WDR47: variants seen among roughly 807,000 people sequenced by gnomAD.
WDR47 encodes WD repeat domain 47, also known as WD repeat-containing protein 47.
In WDR47, 32 loss-of-function variants were observed where a neutral mutation model predicts 97.2. The observed-to-expected ratio is 0.33, with a 90% CI of 0.25 to 0.44. The LOEUF (loss-of-function observed/expected upper bound fraction) is 0.44, where lower values mean the gene tolerates loss of function less well. WDR47 is among the 20% of genes least tolerant of loss of function. WDR47 has a pLI of 1.00. For missense variants in WDR47, 782 were observed against 1,102.3 expected (o/e 0.71, Z 4.11); for synonymous variants, 375 against 373.5 (o/e 1.00, Z -0.05).
rs536861212 is a variant in WDR47, at chr1:108,997,682, C to T, written c.1434-1845G>A. ...GGCTGAGGCAGGAGAATGGCGTGAA[C>T]CTGGGAGGCGGAGCTTGCAGTGAGC... On this transcript the variant is annotated intron_variant, in intron 7 of 14. Transcript: ENST00000369962. Among the ~76,000 whole-genome samples the T allele has an allele frequency of 3.0e-3, 451 of 148,996 alleles. 3 individuals carry two copies. Among genetic ancestry groups the T allele is most frequent in the Non-Finnish European group, 3.5e-3 (239 of 67,460 alleles).
intron 3 of WDR47, among the ~76,000 whole-genome samples, chr1:109,015,116 G>C (rs1313440136): frequency 2.6e-5 from 4 of 152,160 alleles, no homozygotes; most frequent in African/African-American, 7.2e-5. Flanking sequence ...GCAGGAGATG[G>C]TGAAGGGATT....
intron 2 of WDR47, among the ~76,000 whole-genome samples, chr1:109,019,175 G>A (rs1571230889): frequency 6.6e-6 from 1 of 152,026 alleles, no homozygotes; most frequent in East Asian, 1.9e-4. Context: ...CTGAGGTCAG[G>A]AGTTCAAGAC....
At position 109,001,512 on chromosome 1, in the gene WDR47, T is replaced by C. The variant is rs1455018930; in HGVS notation, c.1433+712A>G. 3.3e-5 allele frequency among the ~76,000 whole-genome samples: 5 copies of C among 152,218 alleles called. No homozygotes were observed. In the East Asian group the frequency reaches 5.8e-4, roughly 18 times the overall value. On this transcript the variant is annotated intron_variant, in intron 7 of 14. Transcript: ENST00000369962. ...GCAGCTAACAACATAGTGTTTACAG[T>C]GTGCCAGGTACTGTTCTCAGCACTT...
rs1662370339 is a variant in WDR47, at chr1:109,028,371, T to TTTTTTG, written c.-9-4851_-9-4850insCAAAAA. Among the ~76,000 whole-genome samples the TTTTTTG allele has an allele frequency of 3.0e-5, 4 of 135,394 alleles. 1 individual carries two copies. The highest frequency in any genetic ancestry group is 6.3e-5 in the Non-Finnish European group (4 of 63,240). The allele number at this position is 135,394 out of a possible 152,430, so 88.8% of individuals were successfully genotyped here. A position where few individuals can be genotyped will look rare whatever the true frequency, so the allele number is the denominator to read the frequency against. On this transcript the variant is annotated intron_variant, in intron 1 of 14. Coordinates refer to ENST00000369962, the MANE Select transcript of WDR47 (RefSeq NM_001142551.2). ...AGCTAATTTTTGTTGGGTTTTTTTTTTTTTTTTTTTTTTGTAGAGATTGGG... is the reference window on the plus strand; with the variant it reads ...AGCTAATTTTTGTTGGGTTTTTTTTTTTTTTGTTTTTTTTTTTTTGTAGAGATTGGG...
chr1:109,038,887 G>C (rs2102067645), intron 1 of WDR47, among the ~76,000 whole-genome samples: 1 of 152,214 alleles, frequency 6.6e-6, no homozygotes. Context: ...GCTGAGGCAG[G>C]AGAATCACTT....
intron 1 of WDR47, among the ~76,000 whole-genome samples, chr1:109,035,873 T>C (rs943300868): frequency 6.6e-6 from 1 of 151,838 alleles, no homozygotes; most frequent in African/African-American, 2.4e-5. Flanking sequence ...ACAGTGTAGT[T>C]GCTATTGCCG....
At chr1:109,036,460 A>G (rs1341143445) in intron 1 of WDR47, among the ~76,000 whole-genome samples, 1 of 146,128 alleles carries the variant, frequency 6.8e-6, no homozygotes, top group African/African-American at 2.5e-5. Context: ...TAGTCCCAGG[A>G]GGAGGTGAAG....
intron 1 of WDR47, among the ~76,000 whole-genome samples, chr1:109,026,726 C>G (rs1055247166): frequency 2.6e-5 from 4 of 152,094 alleles, no homozygotes; most frequent in Non-Finnish European, 5.9e-5. Context: ...ACCAATGATA[C>G]TAAACATTGT....
chr1:109,029,249 G>A (rs983688601), intron 1 of WDR47, among the ~76,000 whole-genome samples: 1 of 152,174 alleles, frequency 6.6e-6, no homozygotes, highest in Non-Finnish European at 1.5e-5. Flanking sequence ...AAACTGCCGG[G>A]CGCAGTGGCT....
intron 1 of WDR47, among the ~76,000 whole-genome samples, chr1:109,034,245 G>A (rs767143850): frequency 5.9e-5 from 9 of 152,316 alleles, no homozygotes; most frequent in Non-Finnish European, 1.2e-4. Flanking sequence ...CTGGGATCAC[G>A]CCATTGCCCT....
chr1:109,035,586 C>T (rs1662891798), intron 1 of WDR47, among the ~76,000 whole-genome samples: 1 of 151,468 alleles, frequency 6.6e-6, no homozygotes, highest in South Asian at 2.1e-4. Context: ...CAATCTCTGC[C>T]TCCTGGGCTC....
chr1:109,014,018 T>C (rs957829684), intron 3 of WDR47, 93 bp from the exon 4 acceptor site: 1 of 876,746 alleles, frequency 1.1e-6, no homozygotes, highest in African/African-American at 1.7e-5. Context: ...TTAGGAAAAT[T>C]ATTCAAATAA....
Position 108,974,620 on chromosome 1 carries a change from C to T in WDR47, c.2533G>A (p.Val845Ile), listed in dbSNP as rs762029151. 6.2e-7 allele frequency: 1 copy of T among 1,614,102 alleles called. No homozygotes were observed. The highest frequency in any genetic ancestry group is 8.5e-7 in the Non-Finnish European group (1 of 1,180,008). The change falls in exon 14 of 15, where the codon GTT becomes ATT. Residue 845 changes from valine to isoleucine, a missense_variant. By Grantham distance (29) the Val-to-Ile change is conservative. Around this residue, in one of 3 missense-constraint regions of WDR47, gnomAD observed 228 missense variants for 396.7 expected, o/e 0.57. Transcript: ENST00000369962. ...CCAGGGGAGAATCGAACAGAGCGAACATCACTGGAATGAGGATGATAACTT... is the reference window on the plus strand; with the variant it reads ...CCAGGGGAGAATCGAACAGAGCGAATATCACTGGAATGAGGATGATAACTT... ...VQSYHPHSSD[V>I]RSVRFSPGAH...
intron 1 of WDR47, among the ~76,000 whole-genome samples, chr1:109,038,107 C>G (rs1177626824): frequency 6.6e-6 from 1 of 152,192 alleles, no homozygotes; most frequent in South Asian, 2.1e-4. Flanking sequence ...CCAAAATGCT[C>G]GCATTACAGG....
intron 2 of WDR47, among the ~76,000 whole-genome samples, chr1:109,020,825 T>G (rs547723794): frequency 6.6e-6 from 1 of 152,148 alleles, no homozygotes; most frequent in South Asian, 2.1e-4. Flanking sequence ...AATAAAGCTT[T>G]GTTATTGCTG....
At chr1:108,974,228 G>T (rs912950931) in intron 14 of WDR47, among the ~76,000 whole-genome samples, 1 of 152,036 alleles carries the variant, frequency 6.6e-6, no homozygotes, top group African/African-American at 2.4e-5. Context: ...GGTGGCTCAC[G>T]CCTGTAATCC....
rs945314333 is a variant in WDR47, at chr1:108,974,830, T to C, written c.2399-76A>G. 8 of 1,086,022 alleles carry C rather than the reference T, an allele frequency of 7.4e-6. No individual in the cohort carries two copies. The African/African-American group carries it at 1.3e-4, about 17-fold the overall frequency. The allele number at this position is 1,086,022 out of a possible 1,614,324, so 67.3% of individuals were successfully genotyped here. A position where few individuals can be genotyped will look rare whatever the true frequency, so the allele number is the denominator to read the frequency against. ...TGGCAACACAGCTGATTATGTCCAT[T>C]GAACCATATACTAAAGATTTAATGT... On this transcript the variant is annotated intron_variant, in intron 13 of 14. Coordinates refer to ENST00000369962, the MANE Select transcript of WDR47 (RefSeq NM_001142551.2).
At chr1:108,979,231 T>C (rs1271018526) in intron 13 of WDR47, among the ~76,000 whole-genome samples, 1 of 151,774 alleles carries the variant, frequency 6.6e-6, no homozygotes, top group Admixed American at 6.6e-5. Context: ...ACTACACAAA[T>C]AAACAAACAA....
chr1:108,983,214 A>G, intron 11 of WDR47, 68 bp downstream of exon 11: 2 of 1,391,726 alleles, frequency 1.4e-6, no homozygotes, highest in Non-Finnish European at 1.9e-6. Flanking sequence ...CAATACAGAA[A>G]TACAACATGG....
Sources: allele counts gnomAD v4.1 joint callset (sites outside exome capture counted in the v4.1 genomes callset), GRCh38; gene constraint gnomAD v4.1.1; regional missense constraint gnomAD v4.1.1; transcripts MANE v1.5; gene names NCBI Gene and HGNC (gene_info 2026-07-23, HGNC 2026-07-21).